SPRED2: variants seen among roughly 807,000 people sequenced by gnomAD.
SPRED2 encodes the protein sprouty related EVH1 domain containing 2, also known as sprouty-related, EVH1 domain-containing protein 2.
In SPRED2, 47 loss-of-function variants were observed where a neutral mutation model predicts 43.0. The observed-to-expected ratio is 1.09, with a 90% confidence interval of 0.87 to 1.40. The LOEUF is 1.40. Among genes scored for constraint, SPRED2 ranks in the 40% most tolerant of loss-of-function variants. SPRED2 has a pLI of 0.00. For synonymous variants in SPRED2, 225 were observed against 225.7 expected (o/e 1.00, Z 0.03); for missense variants, 561 against 586.4 (o/e 0.96, Z 0.45).
intron 1 of SPRED2, among the ~76,000 whole-genome samples, chr2:65,369,655 AGAGCAGCTTCAGGT>A (rs567831958): frequency 2.0e-5 from 3 of 151,652 alleles, no homozygotes; most frequent in East Asian, 1.9e-4. Context: ...CCCTGACCAC[AGAGCAGCTTCAGGT>A]CTAATTCTGG....
intron 1 of SPRED2, among the ~76,000 whole-genome samples, chr2:65,381,471 C>T (rs1161557617): frequency 6.6e-6 from 1 of 152,184 alleles, no homozygotes; most frequent in African/African-American, 2.4e-5. Context: ...TCTCTATCTG[C>T]AAAACAGGGA....
intron 1 of SPRED2, among the ~76,000 whole-genome samples, chr2:65,358,950 ATTC>A (rs767290797): frequency 7.2e-5 from 11 of 152,162 alleles, no homozygotes; most frequent in African/African-American, 1.4e-4. Flanking sequence ...AGGAGGAGGA[ATTC>A]TTCTTAAACT....
At chr2:65,400,016 T>C (rs370746618) in intron 1 of SPRED2, among the ~76,000 whole-genome samples, 18 of 152,234 alleles carry the variant, frequency 1.2e-4, no homozygotes, top group African/African-American at 4.3e-4. Flanking sequence ...ACAAAGTACC[T>C]GAGCTAGTCT....
At chr2:65,371,166 T>A (rs1858037) in intron 1 of SPRED2, among the ~76,000 whole-genome samples, 48,759 of 152,006 alleles carry the variant, frequency 0.32, 9,690 homozygotes, top group East Asian at 0.78. Flanking sequence ...CCAAGACATA[T>A]CCCCGCATCC....
chr2:65,325,136 T>C (rs2104168830), intron 4 of SPRED2, among the ~76,000 whole-genome samples: 1 of 152,272 alleles, frequency 6.6e-6, no homozygotes, highest in Admixed American at 6.5e-5. Context: ...ATTTCTTCCT[T>C]CTTCTTAGGG....
intron 1 of SPRED2, among the ~76,000 whole-genome samples, chr2:65,430,933 C>G (rs1676668498): frequency 6.6e-6 from 1 of 152,144 alleles, no homozygotes; most frequent in African/African-American, 2.4e-5. Flanking sequence ...CGCGCGGTGA[C>G]CGCTCAAACC....
chr2:65,428,276 T>A (rs895938918), intron 1 of SPRED2, among the ~76,000 whole-genome samples: 1 of 152,208 alleles, frequency 6.6e-6, no homozygotes, highest in African/African-American at 2.4e-5. Flanking sequence ...TCCCATTTTG[T>A]CCACTCCATA....
intron 1 of SPRED2, chr2:65,380,737 G>C (rs553328405): frequency 2.6e-5 from 4 of 152,170 alleles, no homozygotes; most frequent in Non-Finnish European, 5.9e-5. Context: ...TGAGAGAGGA[G>C]TCTCCTGAGG....
intron 1 of SPRED2, among the ~76,000 whole-genome samples, chr2:65,385,432 G>A (rs368202833): frequency 5.9e-5 from 9 of 152,156 alleles, no homozygotes; most frequent in African/African-American, 9.7e-5. Flanking sequence ...TCCATTAACC[G>A]CCATTGTGAA....
At chr2:65,418,902 T>C (rs930159264) in intron 1 of SPRED2, among the ~76,000 whole-genome samples, 4 of 152,084 alleles carry the variant, frequency 2.6e-5, no homozygotes, top group Non-Finnish European at 5.9e-5. Context: ...ATATTATGCT[T>C]ATAAGTAAGA....
At chr2:65,396,751 C>T (rs961325856) in intron 1 of SPRED2, among the ~76,000 whole-genome samples, 9 of 152,184 alleles carry the variant, frequency 5.9e-5, no homozygotes, top group African/African-American at 1.7e-4. Flanking sequence ...GAAGCATGGC[C>T]GCCTCCCCAG....
intron 1 of SPRED2, among the ~76,000 whole-genome samples, chr2:65,420,911 T>G (rs370423268): frequency 6.6e-6 from 1 of 152,190 alleles, no homozygotes; most frequent in Admixed American, 6.5e-5. Flanking sequence ...GTAACAACAA[T>G]GCTCTTTGCA....
intron 1 of SPRED2, among the ~76,000 whole-genome samples, chr2:65,381,229 A>C (rs268134): frequency 2.6e-5 from 4 of 152,078 alleles, no homozygotes; most frequent in African/African-American, 9.7e-5. Context: ...GGCAACCCAG[A>C]ATTTAACCCT....
At chr2:65,431,152 TG>T in intron 1 of SPRED2, among the ~76,000 whole-genome samples, 1 of 150,680 alleles carries the variant, frequency 6.6e-6, no homozygotes, top group African/African-American at 2.4e-5. Context: ...CCCCGAGCAT[TG>T]TTCCCCTCGG....
intron 1 of SPRED2, among the ~76,000 whole-genome samples, chr2:65,378,533 T>C (rs549555077): frequency 3.3e-5 from 5 of 152,330 alleles, no homozygotes; most frequent in Non-Finnish European, 5.9e-5. Flanking sequence ...TCTATCTCTG[T>C]CAATGTTTCA....
chr2:65,401,937 G>GCGCGCGCGCGCGCGCA (rs776512353), intron 1 of SPRED2, among the ~76,000 whole-genome samples: 2 of 114,714 alleles, frequency 1.7e-5, no homozygotes, highest in African/African-American at 6.8e-5. Flanking sequence ...GCGCGCGCGC[G>GCGCGCGCGCGCGCGCA]CACACACACA....
Position 65,312,305 on chromosome 2 carries a change from C to T in SPRED2, c.*1196G>A, listed in dbSNP as rs946702404. 1.0e-5 allele frequency: 10 copies of T among 985,090 alleles called. No individual in the cohort carries two copies. The highest frequency in any genetic ancestry group is 1.2e-5 in the Non-Finnish European group (10 of 829,908). 61.0% of individuals were successfully genotyped at this position (985,090 alleles called of 1,614,324 possible). A position where few individuals can be genotyped will look rare whatever the true frequency, so the allele number is the denominator to read the frequency against. On this transcript the variant is annotated 3_prime_UTR_variant, in exon 6 of 6. Transcript: ENST00000356388. ...TTTTACATATGGCCTTGTTTTTTCC[C>T]CAAGTATAAATGAGGAATTTGGTGA...
chr2:65,380,886 G>T (rs1675357817), intron 1 of SPRED2, among the ~76,000 whole-genome samples: 1 of 152,146 alleles, frequency 6.6e-6, no homozygotes, highest in Admixed American at 6.5e-5. Context: ...ATGTTATATA[G>T]ATTATGCTCC....
intron 1 of SPRED2, among the ~76,000 whole-genome samples, chr2:65,358,286 A>T (rs982060955): frequency 1.1e-4 from 16 of 152,210 alleles, no homozygotes; most frequent in Non-Finnish European, 2.2e-4. Flanking sequence ...GTTTAATAAG[A>T]TCCTCTGGGG....
Sources: allele counts gnomAD v4.1 joint callset (sites outside exome capture counted in the v4.1 genomes callset), GRCh38; gene constraint gnomAD v4.1.1; transcripts MANE v1.5; gene names NCBI Gene and HGNC (gene_info 2026-07-23, HGNC 2026-07-21).